The following PIK3C3 variants were observed in gnomAD, a reference collection of about 807,000 sequenced individuals.
PIK3C3 encodes the protein PI3-kinase type 3.
Under a neutral mutation model 126.1 loss-of-function variants are expected in PIK3C3, and 95 were observed. That is an observed-to-expected ratio of 0.75 (90% CI 0.64 to 0.89). PIK3C3 has a LOEUF of 0.89. PIK3C3 is among the 40% of genes least tolerant of loss of function. PIK3C3 has a pLI of 0.00. For synonymous variants in PIK3C3, 374 were observed against 360.0 expected (o/e 1.04, Z -0.44); for missense variants, 829 against 1,063.2 (o/e 0.78, Z 3.06).
At chr18:42,037,976 G>A (rs935702074) in intron 17 of PIK3C3, among the ~76,000 whole-genome samples, 156 bp downstream of exon 17, 1 of 152,118 alleles carries the variant, frequency 6.6e-6, no homozygotes, top group African/African-American at 2.4e-5. Context: ...AAATTTAGTT[G>A]CTTTTATATA....
At chr18:42,026,895 A>G (rs959435896) in intron 13 of PIK3C3, 5 of 152,280 alleles carry the variant, frequency 3.3e-5, no homozygotes, top group African/African-American at 7.2e-5. Flanking sequence ...CTTTAAAACC[A>G]TAGTTTTTTA....
At chr18:41,961,843 T>G (rs1980103684) in intron 2 of PIK3C3, among the ~76,000 whole-genome samples, 1 of 152,168 alleles carries the variant, frequency 6.6e-6, no homozygotes, top group Non-Finnish European at 1.5e-5. Flanking sequence ...TGTCATTAAC[T>G]ATATTATTAT....
At chr18:42,036,785 G>T (rs1297022314) in intron 16 of PIK3C3, among the ~76,000 whole-genome samples, 1 of 152,050 alleles carries the variant, frequency 6.6e-6, no homozygotes, top group Non-Finnish European at 1.5e-5. Context: ...AGGAATTTGA[G>T]TCTTAAAGCT....
At chr18:42,035,970 A>G (rs184882940) in intron 16 of PIK3C3, among the ~76,000 whole-genome samples, 21 of 152,304 alleles carry the variant, frequency 1.4e-4, no homozygotes, top group African/African-American at 5.1e-4. Context: ...CTTGCTTTAA[A>G]TTTCAGATGA....
chr18:41,966,255 C>T (rs147650728), intron 3 of PIK3C3, among the ~76,000 whole-genome samples: 363 of 150,252 alleles, frequency 2.4e-3, no homozygotes, highest in Admixed American at 5.6e-3. Flanking sequence ...CTGCAACCTC[C>T]GCCTCCTGGG....
At chr18:42,055,226 C>T (rs903607766) in intron 21 of PIK3C3, among the ~76,000 whole-genome samples, 1 of 152,076 alleles carries the variant, frequency 6.6e-6, no homozygotes, top group African/African-American at 2.4e-5. Context: ...CGTACCTCCC[C>T]TCTCATGCTA....
chr18:41,966,134 C>G (rs1980347726), intron 3 of PIK3C3, among the ~76,000 whole-genome samples: 1 of 148,884 alleles, frequency 6.7e-6, no homozygotes, highest in African/African-American at 2.5e-5. Flanking sequence ...TTACTTATCA[C>G]TTTTAGAATT....
At chr18:42,020,429 G>A (rs1598902397) in intron 12 of PIK3C3, among the ~76,000 whole-genome samples, 2 of 152,088 alleles carry the variant, frequency 1.3e-5, no homozygotes, top group East Asian at 3.8e-4. Flanking sequence ...AGGACAAGGA[G>A]TCCTCTGAAC....
At position 42,076,089 on chromosome 18, in the gene PIK3C3, C is replaced by CATATATATATAT. The variant is rs71174077; in HGVS notation, c.2650-5013_2650-5002dup. 1.6e-3 allele frequency among the ~76,000 whole-genome samples: 88 copies of CATATATATATAT among 54,612 alleles called. 1 individual carries two copies. Among genetic ancestry groups the CATATATATATAT allele is most frequent in the East Asian group, 7.5e-3 (12 of 1,598 alleles). The allele number at this position is 54,612 out of a possible 152,430, so 35.8% of individuals were successfully genotyped here. On this transcript the variant is annotated intron_variant, in intron 24 of 24. Transcript: ENST00000262039. ...CATCAGCACTGGCTGCTTTACCTTG[C>CATATATATATAT]ATATATATATATATATATATATATA... is the stretch of plus-strand genomic sequence containing the variant.
chr18:42,069,514 A>G (rs74466856), intron 24 of PIK3C3, among the ~76,000 whole-genome samples: 1,647 of 152,230 alleles, frequency 0.011, 29 homozygotes, highest in African/African-American at 0.038. Flanking sequence ...TGTCAATCAA[A>G]CTTTTCCTGG....
chr18:42,080,209 AT>A (rs1986199402), intron 24 of PIK3C3, among the ~76,000 whole-genome samples: 1 of 152,186 alleles, frequency 6.6e-6, no homozygotes, highest in Admixed American at 6.5e-5. Context: ...TTTAGTAAAA[AT>A]ATTTAAATTG....
chr18:42,041,712 T>G (rs1346763123), intron 19 of PIK3C3, among the ~76,000 whole-genome samples: 1 of 152,182 alleles, frequency 6.6e-6, no homozygotes, highest in Non-Finnish European at 1.5e-5. Flanking sequence ...CCTATTTAAT[T>G]GTTCCATTTA....
intron 9 of PIK3C3, among the ~76,000 whole-genome samples, chr18:42,003,035 C>G (rs547284266): frequency 6.6e-6 from 1 of 152,188 alleles, no homozygotes; most frequent in Non-Finnish European, 1.5e-5. Flanking sequence ...AGTTCTACAT[C>G]TAGCTCATGC....
At chr18:42,051,543 T>C (rs909232904) in intron 21 of PIK3C3, among the ~76,000 whole-genome samples, 3 of 152,148 alleles carry the variant, frequency 2.0e-5, no homozygotes, top group African/African-American at 4.8e-5. Flanking sequence ...TTATTACATA[T>C]GAAAAATCAT....
chr18:42,004,644 T>G, intron 10 of PIK3C3, 103 bp downstream of exon 10: 2 of 877,924 alleles, frequency 2.3e-6, no homozygotes, highest in Non-Finnish European at 3.4e-6. Flanking sequence ...AGAGAGTGTG[T>G]GCACATGCAA....
chr18:42,038,128 C>T (rs1984140200), intron 17 of PIK3C3, among the ~76,000 whole-genome samples: 1 of 151,904 alleles, frequency 6.6e-6, no homozygotes, highest in Admixed American at 6.6e-5. Context: ...TCCTTTTAAT[C>T]CCATCTCTGT....
chr18:42,044,295 A>G (rs1984459685), intron 20 of PIK3C3, among the ~76,000 whole-genome samples: 1 of 152,208 alleles, frequency 6.6e-6, no homozygotes, highest in African/African-American at 2.4e-5. Flanking sequence ...CTAGAAATAA[A>G]TAGTAAGTGA....
At chr18:42,003,238 A>G (rs1982376514) in intron 9 of PIK3C3, among the ~76,000 whole-genome samples, 1 of 152,160 alleles carries the variant, frequency 6.6e-6, no homozygotes, top group Non-Finnish European at 1.5e-5. Flanking sequence ...CATTTTCTTG[A>G]GGAATTGATT....
intron 15 of PIK3C3, among the ~76,000 whole-genome samples, chr18:42,029,674 C>T (rs550537263): frequency 6.6e-6 from 1 of 150,636 alleles, no homozygotes; most frequent in Non-Finnish European, 1.5e-5. Flanking sequence ...TCCCGAGTAG[C>T]TAGGATTACA....
Sources: allele counts gnomAD v4.1 joint callset (sites outside exome capture counted in the v4.1 genomes callset), GRCh38; gene constraint gnomAD v4.1.1; transcripts MANE v1.5; gene names NCBI Gene and HGNC (gene_info 2026-07-23, HGNC 2026-07-21).